The following NR6A1 variants were observed in gnomAD, a reference collection of about 807,000 sequenced individuals.
NR6A1 encodes nuclear receptor subfamily 6 group A member 1, also known as retinoic acid receptor-related testis-associated receptor.
NR6A1 carries 7 observed loss-of-function variants against 59.1 expected under a neutral mutation model. The observed-to-expected ratio is 0.12, with a 90% CI of 0.07 to 0.22. The LOEUF (loss-of-function observed/expected upper bound fraction) is 0.22. Ranked by LOEUF, NR6A1 falls within the 10% of genes least tolerant of loss-of-function variation. NR6A1 has a pLI of 1.00. For synonymous variants in NR6A1, 243 were observed against 236.1 expected (o/e 1.03, Z -0.27); for missense variants, 468 against 611.6 (o/e 0.77, Z 2.48).
intron 2 of NR6A1, among the ~76,000 whole-genome samples, chr9:124,589,504 T>C (rs1343215725): frequency 2.0e-5 from 3 of 152,168 alleles, no homozygotes; most frequent in African/African-American, 7.2e-5. Flanking sequence ...CATATGATAG[T>C]GTACATGTAC....
intron 1 of NR6A1, among the ~76,000 whole-genome samples, chr9:124,753,995 A>G (rs1206427777): frequency 6.6e-6 from 1 of 152,224 alleles, no homozygotes; most frequent in Non-Finnish European, 1.5e-5. Context: ...AGGAAGGACC[A>G]TTTTATAACA....
intron 4 of NR6A1, among the ~76,000 whole-genome samples, chr9:124,543,567 C>T (rs1833509657): frequency 6.6e-6 from 1 of 152,218 alleles, no homozygotes; most frequent in Non-Finnish European, 1.5e-5. Flanking sequence ...GGTTCACTGT[C>T]TGTGAAATCC....
intron 2 of NR6A1, among the ~76,000 whole-genome samples, chr9:124,626,009 T>G (rs147696608): frequency 5.9e-5 from 9 of 152,320 alleles, no homozygotes; most frequent in African/African-American, 1.9e-4. Flanking sequence ...TGTGTCTTTA[T>G]TCATTTATTT....
At chr9:124,559,414 C>T (rs1169968283) in intron 2 of NR6A1, among the ~76,000 whole-genome samples, 3 of 152,192 alleles carry the variant, frequency 2.0e-5, no homozygotes, top group East Asian at 3.9e-4. Flanking sequence ...AATGTGTTCA[C>T]GGGTAAAAAA....
Position 124,771,302 on chromosome 9 carries a change from C to T in NR6A1, c.-183G>A, listed in dbSNP as rs1435800503. The T allele has an allele frequency of 7.7e-6, 3 of 389,528 alleles. No individual in the cohort carries two copies. The highest frequency in any genetic ancestry group is 3.7e-5 in the East Asian group (1 of 27,114). The allele number at this position is 389,528 out of a possible 1,614,324, so 24.1% of individuals were successfully genotyped here. A position where few individuals can be genotyped will look rare whatever the true frequency, so the allele number is the denominator to read the frequency against. ...CTCCGCGCCCCTCCGCGCCGCGCCC[C>T]CTCAGCACTGGCCAGCTCCCTCCCC... On this transcript the variant is annotated 5_prime_UTR_variant, in exon 1 of 10. Coordinates refer to ENST00000487099, the MANE Select transcript of NR6A1 (RefSeq NM_033334.4).
intron 1 of NR6A1, among the ~76,000 whole-genome samples, chr9:124,762,408 G>GCTC (rs1840807509): frequency 1.3e-5 from 2 of 152,104 alleles, no homozygotes; most frequent in South Asian, 4.1e-4. Flanking sequence ...TTAATATCTG[G>GCTC]CTTAATCCTA....
chr9:124,746,622 A>G (rs1840343498), intron 1 of NR6A1, among the ~76,000 whole-genome samples: 1 of 152,182 alleles, frequency 6.6e-6, no homozygotes, highest in Admixed American at 6.5e-5. Flanking sequence ...AATAATTCCA[A>G]AAGAAATTTT....
At chr9:124,708,462 G>T (rs1839193647) in intron 2 of NR6A1, among the ~76,000 whole-genome samples, 2 of 152,212 alleles carry the variant, frequency 1.3e-5, no homozygotes, top group East Asian at 1.9e-4. Flanking sequence ...AGAATTTTTT[G>T]ACCTCCTCAT....
At chr9:124,524,901 A>G in intron 8 of NR6A1, 28 bp from the exon 9 acceptor site, 1 of 1,579,600 alleles carries the variant, frequency 6.3e-7, no homozygotes. Flanking sequence ...ACACACACAC[A>G]CATACAGGGA....
chr9:124,678,117 T>G (rs951947037), intron 2 of NR6A1, among the ~76,000 whole-genome samples: 1 of 152,222 alleles, frequency 6.6e-6, no homozygotes, highest in Admixed American at 6.5e-5. Flanking sequence ...CTAAATGTTT[T>G]TATTGGCTGT....
chr9:124,742,952 A>G (rs1368045999), intron 1 of NR6A1, among the ~76,000 whole-genome samples: 1 of 152,250 alleles, frequency 6.6e-6, no homozygotes, highest in African/African-American at 2.4e-5. Flanking sequence ...CTAGCCATCC[A>G]TAGACCTCCT....
At position 124,679,756 on chromosome 9, in the gene NR6A1, T is replaced by G. The variant is rs186134067; in HGVS notation, c.142+53552A>C. On this transcript the variant is annotated intron_variant, in intron 2 of 9. Transcript: ENST00000487099. ...AATACAAAAAAAAAAAATTAGCCGG[T>G]CATGGTGGCGAATGCCTTTAATCTC... 2.4e-3 allele frequency among the ~76,000 whole-genome samples: 361 copies of G among 151,042 alleles called. 1 individual carries two copies. The highest frequency in any genetic ancestry group is 3.8e-3 in the Non-Finnish European group (257 of 67,740).
chr9:124,590,846 A>T (rs1232737514), intron 2 of NR6A1, among the ~76,000 whole-genome samples: 11 of 152,164 alleles, frequency 7.2e-5, no homozygotes, highest in Non-Finnish European at 2.9e-5. Flanking sequence ...ATTAAGACTA[A>T]CTTTATTATC....
chr9:124,579,555 TA>T (rs1368669811), intron 2 of NR6A1, among the ~76,000 whole-genome samples: 1 of 149,974 alleles, frequency 6.7e-6, no homozygotes, highest in African/African-American at 2.5e-5. Context: ...TTTCACAAAA[TA>T]AAAAATAATA....
Position 124,544,970 on chromosome 9 carries a change from A to C in NR6A1, c.386-1113T>G, listed in dbSNP as rs550410823. On this transcript the variant is annotated intron_variant, in intron 3 of 9. Transcript: ENST00000487099. ...AGATAAGCTAATGACATTATGTAAT[A>C]GCAGGCCTTGCTAGGATATACCTGC... Among the ~76,000 whole-genome samples, 17 of 152,358 alleles carry C rather than the reference A, an allele frequency of 1.1e-4. No individual in the cohort carries two copies. The East Asian group carries it at 3.3e-3, about 29-fold the overall frequency.
chr9:124,674,844 T>C (rs1383624171), intron 2 of NR6A1, among the ~76,000 whole-genome samples: 1 of 152,200 alleles, frequency 6.6e-6, no homozygotes, highest in Admixed American at 6.5e-5. Flanking sequence ...GAAGGAAATG[T>C]ATTTTCTAGC....
At chr9:124,736,142 G>A (rs543952912) in intron 1 of NR6A1, among the ~76,000 whole-genome samples, 2 of 152,278 alleles carry the variant, frequency 1.3e-5, no homozygotes, top group South Asian at 2.1e-4. Flanking sequence ...CTGGTACAAT[G>A]GGAAGGTTAG....
intron 1 of NR6A1, among the ~76,000 whole-genome samples, chr9:124,764,215 T>C (rs1016896514): frequency 6.6e-6 from 1 of 151,848 alleles, no homozygotes; most frequent in African/African-American, 2.4e-5. Flanking sequence ...AAAAACTATC[T>C]GGTTAAGCTA....
intron 2 of NR6A1, among the ~76,000 whole-genome samples, chr9:124,719,613 T>C (rs866102428): frequency 9.9e-5 from 15 of 151,972 alleles, no homozygotes; most frequent in African/African-American, 3.1e-4. Context: ...CCTAAGAGTA[T>C]ACGCTCATTT....
Sources: allele counts gnomAD v4.1 joint callset (sites outside exome capture counted in the v4.1 genomes callset), GRCh38; gene constraint gnomAD v4.1.1; transcripts MANE v1.5; gene names NCBI Gene and HGNC (gene_info 2026-07-23, HGNC 2026-07-21).